AUTS2: variants seen among roughly 807,000 people sequenced by gnomAD.
The protein encoded by AUTS2 is activator of transcription and developmental regulator AUTS2.
A neutral mutation model predicts 112.4 loss-of-function variants in AUTS2; 17 were observed. That is an observed-to-expected ratio of 0.15 (90% CI 0.10 to 0.23). The LOEUF is 0.23. Among genes scored for constraint, AUTS2 ranks in the 10% least tolerant of loss-of-function variants. The pLI is 1.00. For synonymous variants in AUTS2, 751 were observed against 702.7 expected (o/e 1.07, Z -1.09); for missense variants, 1,510 against 1,701.6 (o/e 0.89, Z 1.98).
intron 4 of AUTS2, among the ~76,000 whole-genome samples, chr7:70,402,151 C>CGTGAAAAT (rs1168438343): frequency 6.6e-6 from 1 of 152,244 alleles, no homozygotes; most frequent in African/African-American, 2.4e-5. Context: ...GAGGCACCTC[C>CGTGAAAAT]AGGGTGCCCA....
At chr7:70,678,668 A>G (rs1169645311) in intron 5 of AUTS2, among the ~76,000 whole-genome samples, 1 of 152,214 alleles carries the variant, frequency 6.6e-6, no homozygotes, top group Non-Finnish European at 1.5e-5. Context: ...TAGTACCACC[A>G]AACAAACCTC....
chr7:70,640,727 G>C (rs887886736), intron 5 of AUTS2, among the ~76,000 whole-genome samples: 5 of 152,136 alleles, frequency 3.3e-5, no homozygotes, highest in African/African-American at 1.2e-4. Flanking sequence ...CTTTTCCACT[G>C]GTCACAATGA....
rs1585704993 is a variant in AUTS2 at position 70,791,147 on chromosome 7, T to C, written c.*151T>C. The C allele has an allele frequency of 2.8e-6, 2 of 707,632 alleles. No homozygotes were observed. Among genetic ancestry groups the C allele is most frequent in the East Asian group, 6.6e-5 (2 of 30,250 alleles). The allele number at this position is 707,632 out of a possible 1,614,324, so 43.8% of individuals were successfully genotyped here. A position where few individuals can be genotyped will look rare whatever the true frequency, so the allele number is the denominator to read the frequency against. On this transcript the variant is annotated 3_prime_UTR_variant, in exon 19 of 19. Transcript: ENST00000342771. Reference sequence around the variant, plus strand: ...AAAAATGTATAGACTCAGTGCACATTTTGAAATGTTTTGTATATTATATGT... The same window carrying C: ...AAAAATGTATAGACTCAGTGCACATCTTGAAATGTTTTGTATATTATATGT...
At chr7:70,063,195 A>T (rs1193368888) in intron 2 of AUTS2, among the ~76,000 whole-genome samples, 1 of 151,904 alleles carries the variant, frequency 6.6e-6, no homozygotes, top group Non-Finnish European at 1.5e-5. Context: ...CACCAAAAAA[A>T]TTTGAATTTA....
chr7:70,197,560 C>T (rs1377064208), intron 4 of AUTS2, among the ~76,000 whole-genome samples: 5 of 115,286 alleles, frequency 4.3e-5, no homozygotes, highest in South Asian at 3.4e-4. Flanking sequence ...GTTCCCTTTC[C>T]GAGTCAAAGA....
intron 1 of AUTS2, among the ~76,000 whole-genome samples, chr7:69,747,915 C>A (rs1787571944): frequency 1.3e-5 from 2 of 151,832 alleles, no homozygotes; most frequent in Admixed American, 1.3e-4. Context: ...ATGAAGCATG[C>A]AGAGTTCATA....
At chr7:70,041,303 CT>C (rs1463206469) in intron 2 of AUTS2, among the ~76,000 whole-genome samples, 3 of 152,036 alleles carry the variant, frequency 2.0e-5, no homozygotes, top group Non-Finnish European at 4.4e-5. Flanking sequence ...TATTTTTGTT[CT>C]TCTTTACCAT....
chr7:70,583,741 C>G (rs1336585230), intron 5 of AUTS2, among the ~76,000 whole-genome samples: 1 of 152,234 alleles, frequency 6.6e-6, no homozygotes, highest in African/African-American at 2.4e-5. Context: ...TGCCGAGCAA[C>G]TCTGTCCTTC....
chr7:69,987,678 C>T (rs1294242751), intron 2 of AUTS2, among the ~76,000 whole-genome samples: 1 of 152,068 alleles, frequency 6.6e-6, no homozygotes, highest in Non-Finnish European at 1.5e-5. Context: ...TGATGTTGCC[C>T]ATGCTGGTCT....
chr7:70,131,812 C>A (rs976507855), intron 3 of AUTS2, among the ~76,000 whole-genome samples: 1 of 152,036 alleles, frequency 6.6e-6, no homozygotes, highest in Non-Finnish European at 1.5e-5. Flanking sequence ...CAGCTAAAGT[C>A]TGACTTCCCT....
intron 6 of AUTS2, among the ~76,000 whole-genome samples, chr7:70,728,078 G>A (rs1787138591): frequency 1.3e-5 from 2 of 152,172 alleles, no homozygotes; most frequent in South Asian, 4.1e-4. Context: ...GTGGGAAGGT[G>A]AGAGTGACCT....
chr7:70,507,505 A>G (rs1799012203), intron 5 of AUTS2, among the ~76,000 whole-genome samples: 5 of 152,190 alleles, frequency 3.3e-5, no homozygotes, highest in Admixed American at 3.3e-4. Context: ...CATTAAAAAA[A>G]AGTAACTAAG....
At chr7:69,932,701 C>T (rs1334662387) in intron 2 of AUTS2, among the ~76,000 whole-genome samples, 3 of 152,180 alleles carry the variant, frequency 2.0e-5, no homozygotes, top group Non-Finnish European at 2.9e-5. Flanking sequence ...TTGGCTAGGG[C>T]TTGGCACCTG....
chr7:70,466,318 C>T (rs1378912569), intron 5 of AUTS2, among the ~76,000 whole-genome samples: 1 of 152,180 alleles, frequency 6.6e-6, no homozygotes, highest in Non-Finnish European at 1.5e-5. Context: ...TGATTATATC[C>T]TTGCCTCTCA....
At chr7:70,670,424 C>G (rs1239707170) in intron 5 of AUTS2, among the ~76,000 whole-genome samples, 5 of 152,204 alleles carry the variant, frequency 3.3e-5, no homozygotes, top group African/African-American at 1.2e-4. Context: ...AAATTTTCAT[C>G]TAGCTGAGAA....
chr7:70,415,000 A>C (rs978135803), intron 4 of AUTS2, among the ~76,000 whole-genome samples: 5 of 152,190 alleles, frequency 3.3e-5, no homozygotes, highest in Non-Finnish European at 7.3e-5. Flanking sequence ...TGATGTCATC[A>C]TTTTATGACA....
chr7:70,134,597 T>A (rs767531405), intron 4 of AUTS2, 26 bp downstream of exon 4: 61 of 1,610,706 alleles, frequency 3.8e-5, no homozygotes, highest in African/African-American at 5.3e-5. Flanking sequence ...CTTCCACATA[T>A]GTGCCTTGCA....
intron 4 of AUTS2, among the ~76,000 whole-genome samples, chr7:70,299,319 C>G (rs73171792): frequency 0.023 from 3,459 of 152,284 alleles, 60 homozygotes; most frequent in South Asian, 0.072. Context: ...GTTATTTACT[C>G]TCACACATGA....
chr7:69,608,054 C>G (rs570086224), intron 1 of AUTS2, among the ~76,000 whole-genome samples: 10 of 152,190 alleles, frequency 6.6e-5, no homozygotes, highest in African/African-American at 2.2e-4. Flanking sequence ...TCCCACCTCA[C>G]CCTCCCAAGT....
Sources: allele counts gnomAD v4.1 joint callset (sites outside exome capture counted in the v4.1 genomes callset), GRCh38; gene constraint gnomAD v4.1.1; transcripts MANE v1.5; gene names NCBI Gene and HGNC (gene_info 2026-07-23, HGNC 2026-07-21).